The following NECAB1 variants were observed in gnomAD, a reference collection of about 807,000 sequenced individuals.
NECAB1 encodes the protein N-terminal EF-hand calcium-binding protein 1.
A neutral mutation model predicts 57.5 loss-of-function variants in NECAB1; 29 were observed. That is an observed-to-expected ratio of 0.50 (90% confidence interval 0.38 to 0.69). The LOEUF is 0.69. Among genes scored for constraint, NECAB1 ranks in the 30% least tolerant of loss-of-function variants. The pLI is 0.00. For missense variants in NECAB1, 372 were observed against 413.8 expected, an observed-to-expected ratio of 0.90 and a Z score of 0.88; for synonymous variants, 142 against 147.7, an observed-to-expected ratio of 0.96 and a Z score of 0.28.
Position 90,958,786 on chromosome 8 carries a change from C to A in NECAB1, c.*3274C>A. ...CTTCACTAACCAAATTCCTACTTTC[C>A]AGTGTTACTTCCCAATTTATGCAGG... is the stretch of plus-strand genomic sequence containing the variant. On this transcript the variant is annotated 3_prime_UTR_variant, in exon 13 of 13. Coordinates refer to ENST00000417640, the MANE Select transcript of NECAB1 (RefSeq NM_022351.5). The A allele has an allele frequency of 2.5e-6, 1 of 398,482 alleles. No homozygotes were observed. Among genetic ancestry groups the A allele is most frequent in the Non-Finnish European group, 4.5e-6 (1 of 224,244 alleles). The allele number at this position is 398,482 out of a possible 1,614,324, so 24.7% of individuals were successfully genotyped here. A position where few individuals can be genotyped will look rare whatever the true frequency, so the allele number is the denominator to read the frequency against.
chr8:90,902,851 T>C (rs1809541604), intron 5 of NECAB1, among the ~76,000 whole-genome samples: 1 of 152,050 alleles, frequency 6.6e-6, no homozygotes. Context: ...TTATTCTACC[T>C]AGTAATTTCA....
chr8:90,906,874 C>CATATATATATATAT (rs1290352726), intron 5 of NECAB1, among the ~76,000 whole-genome samples: 35 of 42,636 alleles, frequency 8.2e-4, no homozygotes, highest in African/African-American at 6.8e-3. Context: ...ATATGATATA[C>CATATATATATATAT]ACATATATAT....
chr8:90,812,203 A>T (rs965922419), intron 2 of NECAB1, among the ~76,000 whole-genome samples: 4 of 152,220 alleles, frequency 2.6e-5, no homozygotes, highest in African/African-American at 9.6e-5. Context: ...TCTACCTCTA[A>T]TGCCTGTGTT....
At chr8:90,899,979 A>T (rs1809460278) in intron 5 of NECAB1, among the ~76,000 whole-genome samples, 1 of 152,180 alleles carries the variant, frequency 6.6e-6, no homozygotes, top group Admixed American at 6.5e-5. Flanking sequence ...GAGAATAATA[A>T]GCATTACTAA....
intron 3 of NECAB1, among the ~76,000 whole-genome samples, chr8:90,853,439 C>G (rs1224249574): frequency 6.6e-6 from 1 of 151,784 alleles, no homozygotes; most frequent in Non-Finnish European, 1.5e-5. Context: ...ACATGTTTTC[C>G]CACTCATCCT....
intron 2 of NECAB1, among the ~76,000 whole-genome samples, chr8:90,823,522 C>T (rs1427817475): frequency 6.6e-6 from 1 of 151,714 alleles, no homozygotes; most frequent in East Asian, 1.9e-4. Flanking sequence ...CTGTGAGATT[C>T]TAATTCGCTT....
chr8:90,880,952 G>T, intron 4 of NECAB1, 81 bp from the exon 5 acceptor site: 1 of 961,382 alleles, frequency 1.0e-6, no homozygotes, highest in South Asian at 1.5e-5. Context: ...CTCATTTAAG[G>T]AGTAAATAAT....
chr8:90,819,298 G>T (rs956589973), intron 2 of NECAB1, among the ~76,000 whole-genome samples: 3 of 151,770 alleles, frequency 2.0e-5, no homozygotes, highest in African/African-American at 7.3e-5. Flanking sequence ...ATCTGAATCT[G>T]GTTTTAATGC....
rs568486286 is a variant in NECAB1 at position 90,845,519 on chromosome 8, C to CA, written c.233+20702dup. Among the ~76,000 whole-genome samples, 313 of 151,656 alleles carry CA rather than the reference C, an allele frequency of 2.1e-3. 1 individual carries two copies. Among genetic ancestry groups the CA allele is most frequent in the African/African-American group, 7.3e-3 (302 of 41,404 alleles). Reference sequence around the variant, plus strand: ...TGCAGAGGTTTTAATCTTTGGTTTTCAAAAAAAATAAAGCCTCTTAAAAGT... The same window carrying CA: ...TGCAGAGGTTTTAATCTTTGGTTTTCAAAAAAAAATAAAGCCTCTTAAAAGT... On this transcript the variant is annotated intron_variant, in intron 3 of 12. Coordinates refer to ENST00000417640, the MANE Select transcript of NECAB1 (RefSeq NM_022351.5).
At chr8:90,802,263 T>C (rs1051153921) in intron 2 of NECAB1, among the ~76,000 whole-genome samples, 3 of 152,208 alleles carry the variant, frequency 2.0e-5, no homozygotes, top group African/African-American at 4.8e-5. Flanking sequence ...ATTTGAAGTG[T>C]ATGCCCTGGA....
rs528568071 is a variant in NECAB1, at chr8:90,933,190, G to C, written c.694-1114G>C. Reference sequence around the variant, plus strand: ...GTGGAGATTCCTTAAAGAACTAGAAGTAGAACTACCATTTGATCCAGCAAT... The same window carrying C: ...GTGGAGATTCCTTAAAGAACTAGAACTAGAACTACCATTTGATCCAGCAAT... On this transcript the variant is annotated intron_variant, in intron 8 of 12. Transcript: ENST00000417640. Among the ~76,000 whole-genome samples, 18 of 152,280 alleles carry C rather than the reference G, an allele frequency of 1.2e-4. No homozygotes were observed. In the East Asian group the frequency reaches 2.3e-3, roughly 20 times the overall value.
intron 3 of NECAB1, among the ~76,000 whole-genome samples, chr8:90,834,882 C>T (rs1249731923): frequency 6.6e-6 from 1 of 152,098 alleles, no homozygotes; most frequent in South Asian, 2.1e-4. Flanking sequence ...TTATACTATC[C>T]CCCATAACCA....
chr8:90,888,430 G>A (rs1004467155), intron 5 of NECAB1, among the ~76,000 whole-genome samples: 8 of 152,178 alleles, frequency 5.3e-5, no homozygotes, highest in African/African-American at 1.9e-4. Flanking sequence ...AAACAGCACA[G>A]TATGTGATTC....
At chr8:90,942,762 A>C (rs1810703099) in intron 10 of NECAB1, among the ~76,000 whole-genome samples, 1 of 152,098 alleles carries the variant, frequency 6.6e-6, no homozygotes, top group African/African-American at 2.4e-5. Flanking sequence ...TGTGCCTGTA[A>C]TCCCAGCTAC....
chr8:90,798,432 C>G (rs1811700384), intron 1 of NECAB1, among the ~76,000 whole-genome samples: 1 of 152,132 alleles, frequency 6.6e-6, no homozygotes, highest in African/African-American at 2.4e-5. Context: ...GTTAGTGTTT[C>G]AACTCTTCTC....
chr8:90,949,982 C>T (rs1008740766), intron 11 of NECAB1, 98 bp downstream of exon 11: 3 of 694,676 alleles, frequency 4.3e-6, no homozygotes, highest in Admixed American at 2.7e-5. Context: ...TTCTCTTTTA[C>T]CTTACCTTAA....
At chr8:90,925,291 C>T (rs901296365) in intron 6 of NECAB1, among the ~76,000 whole-genome samples, 1 of 152,132 alleles carries the variant, frequency 6.6e-6, no homozygotes, top group Admixed American at 6.6e-5. Flanking sequence ...AAAAAGCCTA[C>T]CTTAAATTAC....
intron 8 of NECAB1, among the ~76,000 whole-genome samples, chr8:90,930,836 G>T (rs115555879): frequency 1.3e-5 from 2 of 152,258 alleles, no homozygotes; most frequent in East Asian, 3.9e-4. Context: ...ATCAAATCCA[G>T]GACCTCTATT....
chr8:90,806,086 G>A (rs1178745962), intron 2 of NECAB1, among the ~76,000 whole-genome samples: 1 of 152,200 alleles, frequency 6.6e-6, no homozygotes, highest in Admixed American at 6.5e-5. Flanking sequence ...TTAGTAAGAG[G>A]CAAAATGAAA....
Sources: allele counts gnomAD v4.1 joint callset (sites outside exome capture counted in the v4.1 genomes callset), GRCh38; gene constraint gnomAD v4.1.1; transcripts MANE v1.5; gene names NCBI Gene and HGNC (gene_info 2026-07-23, HGNC 2026-07-21).